The following KCNH5 variants were observed in gnomAD, a reference collection of about 807,000 sequenced individuals.
The protein encoded by KCNH5 is potassium voltage-gated channel subfamily H member 5.
KCNH5 carries 46 observed loss-of-function variants against 96.1 expected under a neutral mutation model. That is an observed-to-expected ratio of 0.48 (90% CI 0.38 to 0.61). KCNH5 has a LOEUF of 0.61. Among genes scored for constraint, KCNH5 ranks in the 20% least tolerant of loss-of-function variants. The pLI is 0.00. For synonymous variants in KCNH5, 439 were observed against 449.8 expected, an observed-to-expected ratio of 0.98 and a Z score of 0.30; for missense variants, 907 against 1,225.8, an observed-to-expected ratio of 0.74 and a Z score of 3.88.
chr14:62,781,387 A>G (rs1886209118), intron 9 of KCNH5, among the ~76,000 whole-genome samples: 1 of 152,220 alleles, frequency 6.6e-6, no homozygotes, highest in African/African-American at 2.4e-5. Context: ...TGTCATTGAT[A>G]ACATCTTATC....
At chr14:62,924,535 C>T (rs1889436954) in intron 7 of KCNH5, among the ~76,000 whole-genome samples, 1 of 151,790 alleles carries the variant, frequency 6.6e-6, no homozygotes, top group Non-Finnish European at 1.5e-5. Context: ...TTCATTGCAG[C>T]ATTATTTACA....
In KCNH5 at chr14:63,045,256, G is replaced by T. The variant is rs940344947; in HGVS notation, c.-70C>A. The stretch of plus-strand genomic sequence containing the variant: ...GGGGATGCAGGCAAAGAAGGTGGAG[G>T]AAGAGGAGGAAAAGGTGGAAGAGAA... On this transcript the variant is annotated 5_prime_UTR_variant, in exon 1 of 11. Transcript: ENST00000322893. The T allele has an allele frequency of 8.3e-7, 1 of 1,201,536 alleles. No individual in the cohort carries two copies. Among genetic ancestry groups the T allele is most frequent in the South Asian group, 1.2e-5 (1 of 82,680 alleles). The allele number at this position is 1,201,536 out of a possible 1,614,324, so 74.4% of individuals were successfully genotyped here.
At chr14:62,735,779 T>C (rs1443397811) in intron 10 of KCNH5, among the ~76,000 whole-genome samples, 3 of 150,392 alleles carry the variant, frequency 2.0e-5, no homozygotes, top group Non-Finnish European at 2.9e-5. Context: ...ACAGGGTTAA[T>C]TGAGTTTACA....
chr14:62,767,040 G>A (rs370361346), intron 10 of KCNH5, among the ~76,000 whole-genome samples: 34 of 149,126 alleles, frequency 2.3e-4, no homozygotes, highest in African/African-American at 8.5e-4. Flanking sequence ...TTCAAAAGAA[G>A]ACATACATGC....
chr14:62,765,228 A>C (rs2139960061), intron 10 of KCNH5, among the ~76,000 whole-genome samples: 2 of 152,264 alleles, frequency 1.3e-5, no homozygotes, highest in South Asian at 4.1e-4. Context: ...ACACACCTAC[A>C]ACCATCTGAA....
chr14:62,713,200 A>C (rs1245667618), intron 10 of KCNH5, among the ~76,000 whole-genome samples: 1 of 152,242 alleles, frequency 6.6e-6, no homozygotes, highest in Non-Finnish European at 1.5e-5. Flanking sequence ...CTAGGAATGG[A>C]AAATGTTACA....
chr14:62,883,416 G>A (rs1011353199), intron 7 of KCNH5, among the ~76,000 whole-genome samples: 5 of 152,136 alleles, frequency 3.3e-5, no homozygotes, highest in Admixed American at 2.0e-4. Context: ...AACTAGGGAC[G>A]ACTTCTAGGC....
intron 7 of KCNH5, among the ~76,000 whole-genome samples, chr14:62,929,053 C>G (rs774219382): frequency 2.0e-5 from 3 of 152,052 alleles, no homozygotes; most frequent in Non-Finnish European, 4.4e-5. Flanking sequence ...TATGCAGCGT[C>G]TCAAACTTAA....
At chr14:62,731,678 C>T (rs930665754) in intron 10 of KCNH5, among the ~76,000 whole-genome samples, 1 of 152,120 alleles carries the variant, frequency 6.6e-6, no homozygotes, top group African/African-American at 2.4e-5. Context: ...TGAAATAGTT[C>T]TAAGAATGCC....
chr14:62,910,899 CCACACACACACACA>C (rs1555363113), intron 7 of KCNH5, among the ~76,000 whole-genome samples: 1,619 of 140,354 alleles, frequency 0.012, 44 homozygotes, highest in African/African-American at 0.04. Flanking sequence ...TGTGCATACA[CCACACACACACACA>C]CACACACACA....
chr14:62,778,180 G>A lies in KCNH5; in HGVS notation c.2019+1548C>T, dbSNP rs181754540. The stretch of plus-strand genomic sequence containing the variant: ...GAACTTAAAACTACAGTCTTCCCTC[G>A]GTATACGAGGGGGACTGGTTCCAGG... On this transcript the variant is annotated intron_variant, in intron 10 of 10. Coordinates refer to ENST00000322893, the MANE Select transcript of KCNH5 (RefSeq NM_139318.5). 6.9e-4 allele frequency among the ~76,000 whole-genome samples: 105 copies of A among 152,148 alleles called. 1 individual carries two copies. In the East Asian group the frequency reaches 9.3e-3, roughly 13 times the overall value.
intron 7 of KCNH5, among the ~76,000 whole-genome samples, chr14:62,860,023 A>G (rs1888001916): frequency 6.6e-6 from 1 of 152,156 alleles, no homozygotes; most frequent in African/African-American, 2.4e-5. Flanking sequence ...TATCACTTCC[A>G]TTTGATGATA....
At chr14:62,881,217 T>C (rs1222537567) in intron 7 of KCNH5, among the ~76,000 whole-genome samples, 1 of 152,200 alleles carries the variant, frequency 6.6e-6, no homozygotes, top group East Asian at 1.9e-4. Context: ...GAGCTTAGAT[T>C]CTAAAATAAG....
Position 62,862,432 on chromosome 14 carries a change from T to C in KCNH5, c.1370-12580A>G, listed in dbSNP as rs371871869. On this transcript the variant is annotated intron_variant, in intron 7 of 10. Coordinates refer to ENST00000322893, the MANE Select transcript of KCNH5 (RefSeq NM_139318.5). ...ATTTTTGCTTCTAAATCTTTGTTCA[T>C]ACAGTTCCCTTGTGGTGGGTTTAAA... is the stretch of plus-strand genomic sequence containing the variant. Among the ~76,000 whole-genome samples, 4 of 152,322 alleles carry C rather than the reference T, an allele frequency of 2.6e-5. No homozygotes were observed. In the East Asian group the frequency reaches 7.7e-4, roughly 29 times the overall value.
intron 8 of KCNH5, among the ~76,000 whole-genome samples, chr14:62,832,050 T>C (rs1289517294): frequency 2.6e-5 from 4 of 152,178 alleles, no homozygotes; most frequent in Non-Finnish European, 1.5e-5. Context: ...TATCGATATT[T>C]CTTTACCATT....
chr14:62,860,301 A>G (rs945118757), intron 7 of KCNH5, among the ~76,000 whole-genome samples: 2 of 152,166 alleles, frequency 1.3e-5, no homozygotes, highest in African/African-American at 4.8e-5. Context: ...ATCCCTATCT[A>G]CCATTGACAC....
intron 6 of KCNH5, among the ~76,000 whole-genome samples, chr14:62,954,697 C>T (rs759862431): frequency 5.9e-5 from 9 of 152,022 alleles, no homozygotes; most frequent in Non-Finnish European, 1.3e-4. Flanking sequence ...TTTCATGCTG[C>T]CGATAAAGAC....
chr14:62,741,945 A>G (rs1282535772), intron 10 of KCNH5, among the ~76,000 whole-genome samples: 2 of 152,132 alleles, frequency 1.3e-5, no homozygotes, highest in Non-Finnish European at 2.9e-5. Context: ...TCAAAGTAAA[A>G]CCCTGTGGTT....
intron 10 of KCNH5, among the ~76,000 whole-genome samples, chr14:62,746,946 T>C (rs777606157): frequency 1.3e-5 from 2 of 152,232 alleles, no homozygotes; most frequent in Non-Finnish European, 2.9e-5. Context: ...TCAAACACGC[T>C]ATCATGTTAA....
Sources: gnomAD v4.1 joint callset for allele counts (sites outside exome capture counted in the v4.1 genomes callset) on GRCh38, gnomAD v4.1.1 for gene constraint, MANE v1.5 for transcripts, NCBI Gene and HGNC (gene_info 2026-07-23, HGNC 2026-07-21) for gene names.